Variants in CNTNAP3B observed in about 807,000 individuals in gnomAD.
CNTNAP3B encodes contactin-associated protein-like 3B.
Under a neutral mutation model 108.9 loss-of-function variants are expected in CNTNAP3B, and 25 were observed. The observed-to-expected ratio is 0.23, with a 90% CI of 0.17 to 0.32. The LOEUF (loss-of-function observed/expected upper bound fraction) is 0.32, where lower values mean the gene tolerates loss of function less well. CNTNAP3B is among the 10% of genes least tolerant of loss of function. CNTNAP3B has a pLI of 1.00. For missense variants in CNTNAP3B, 252 were observed against 1,210.4 expected (o/e 0.21, Z 11.75); for synonymous variants, 103 against 473.4 (o/e 0.22, Z 10.16).
At chr9:42,056,566 G>T (rs1316407208) in intron 3 of CNTNAP3B, among the ~76,000 whole-genome samples, 1 of 137,742 alleles carries the variant, frequency 7.3e-6, no homozygotes, top group Admixed American at 7.2e-5. Context: ...TAGCCAGGAT[G>T]GTCTTGATCT....
At chr9:42,075,839 A>ATTG (rs1252024171) in intron 3 of CNTNAP3B, among the ~76,000 whole-genome samples, 1 of 76,076 alleles carries the variant, frequency 1.3e-5, no homozygotes, top group Non-Finnish European at 2.6e-5. Flanking sequence ...ATAAATACTT[A>ATTG]TTATTATTAT....
At chr9:41,937,482 T>A (rs1237143264) in intron 14 of CNTNAP3B, among the ~76,000 whole-genome samples, 1 of 151,240 alleles carries the variant, frequency 6.6e-6, no homozygotes, top group African/African-American at 2.4e-5. Flanking sequence ...ATGACAATGC[T>A]TTTTAAGTTG....
chr9:41,964,983 G>C (rs1183773854), intron 10 of CNTNAP3B, among the ~76,000 whole-genome samples: 12 of 152,240 alleles, frequency 7.9e-5, no homozygotes, highest in African/African-American at 2.9e-4. Context: ...ACTATATTGT[G>C]GTCATTTTTA....
chr9:42,041,335 C>T (rs1261246477), intron 3 of CNTNAP3B, among the ~76,000 whole-genome samples: 4 of 149,732 alleles, frequency 2.7e-5, no homozygotes, highest in Non-Finnish European at 4.4e-5. Context: ...TGCAATCTAC[C>T]CATCTGACAA....
intron 3 of CNTNAP3B, among the ~76,000 whole-genome samples, chr9:42,036,447 TCTCA>T (rs1826633033): frequency 1.4e-5 from 2 of 138,968 alleles, no homozygotes; most frequent in Admixed American, 1.4e-4. Context: ...TGAATTTGGG[TCTCA>T]CTAATACTTT....
In CNTNAP3B at chr9:41,968,897, C is replaced by T. The variant is rs577592391; in HGVS notation, c.1649+1177G>A. ...CTGCAAGCTCCGCCTCCCGGGTTCA[C>T]GCCATTCTCCTGCCTCAGCCTGCCG... On this transcript the variant is annotated intron_variant, in intron 10 of 23. Transcript: ENST00000377561. 5.9e-5 allele frequency among the ~76,000 whole-genome samples: 9 copies of T among 152,068 alleles called. No individual in the cohort carries two copies. In the South Asian group the frequency reaches 6.2e-4, roughly 11 times the overall value.
intron 14 of CNTNAP3B, among the ~76,000 whole-genome samples, chr9:41,936,911 T>C (rs1295296911): frequency 6.6e-6 from 1 of 152,312 alleles, no homozygotes; most frequent in Non-Finnish European, 1.5e-5. Flanking sequence ...AAAGCTCCAG[T>C]AGATTCAAGT....
intron 2 of CNTNAP3B, among the ~76,000 whole-genome samples, chr9:42,093,986 C>A (rs572704931): frequency 1.6e-5 from 2 of 127,708 alleles, no homozygotes; most frequent in South Asian, 5.3e-4. Context: ...CTTTACTAAT[C>A]CCATTTTATA....
At chr9:42,127,813 C>G (rs201003854) in intron 1 of CNTNAP3B, among the ~76,000 whole-genome samples, 1 of 139,152 alleles carries the variant, frequency 7.2e-6, no homozygotes, top group African/African-American at 2.9e-5. Context: ...AACCCATGTG[C>G]GTGCCCTGTG....
chr9:41,961,470 A>C (rs1300520864), intron 11 of CNTNAP3B, among the ~76,000 whole-genome samples: 1 of 152,424 alleles, frequency 6.6e-6, no homozygotes, highest in East Asian at 1.9e-4. Flanking sequence ...TCTATAATTA[A>C]GGAAGAAACC....
Position 42,111,354 on chromosome 9 carries a change from G to C in CNTNAP3B, c.86-6615C>G, listed in dbSNP as rs1229882076. ...GATATAACCATAAACAACAGAAAAA[G>C]TCTCTGCTCCTGTGAAGCTTATCCT... On this transcript the variant is annotated intron_variant, in intron 1 of 23. Transcript: ENST00000377561. 1.4e-5 allele frequency among the ~76,000 whole-genome samples: 2 copies of C among 139,010 alleles called. 1 individual carries two copies. Among genetic ancestry groups the C allele is most frequent in the Non-Finnish European group, 3.1e-5 (2 of 64,886 alleles). 91.2% of individuals were successfully genotyped at this position (139,010 alleles called of 152,430 possible).
chr9:41,935,562 A>G (rs71217858), intron 14 of CNTNAP3B, among the ~76,000 whole-genome samples: 4,234 of 150,360 alleles, frequency 0.028, 3 homozygotes, highest in Non-Finnish European at 0.031. Flanking sequence ...ATTTTTATAA[A>G]CTGAAAAATC....
chr9:41,939,470 C>T (rs1824265065), intron 13 of CNTNAP3B, among the ~76,000 whole-genome samples: 1 of 151,160 alleles, frequency 6.6e-6, no homozygotes, highest in Admixed American at 6.6e-5. Flanking sequence ...ATTACCACCA[C>T]CACTATCTAT....
intron 13 of CNTNAP3B, among the ~76,000 whole-genome samples, chr9:41,944,519 C>T (rs1184354457): frequency 2.0e-5 from 3 of 152,280 alleles, no homozygotes; most frequent in East Asian, 1.9e-4. Flanking sequence ...AAGGCTACCA[C>T]TAAAACAATT....
chr9:41,939,610 T>C (rs1266029124), intron 13 of CNTNAP3B, among the ~76,000 whole-genome samples: 1 of 152,292 alleles, frequency 6.6e-6, no homozygotes, highest in Non-Finnish European at 1.5e-5. Flanking sequence ...GTAAAAGATA[T>C]TTTTAAAAAT....
chr9:41,997,241 A>C (rs1363275877), intron 6 of CNTNAP3B, among the ~76,000 whole-genome samples: 1 of 151,550 alleles, frequency 6.6e-6, no homozygotes, highest in Non-Finnish European at 1.5e-5. Context: ...TGCATAGTCA[A>C]ACAACAAGTG....
intron 1 of CNTNAP3B, among the ~76,000 whole-genome samples, chr9:42,127,148 CA>C (rs1828589269): frequency 7.2e-6 from 1 of 138,414 alleles, no homozygotes; most frequent in Non-Finnish European, 1.5e-5. Context: ...TAAGTTTCAT[CA>C]ACGAAAGAAG....
chr9:42,059,999 A>G (rs1324552452), intron 3 of CNTNAP3B, among the ~76,000 whole-genome samples: 2 of 151,166 alleles, frequency 1.3e-5, no homozygotes, highest in African/African-American at 2.5e-5. Context: ...GTTTTCTTCA[A>G]ATTTGGATTT....
chr9:42,122,006 T>C (rs1242496259), intron 1 of CNTNAP3B, among the ~76,000 whole-genome samples: 1 of 139,722 alleles, frequency 7.2e-6, no homozygotes, highest in East Asian at 2.2e-4. Context: ...TGGGGGAATA[T>C]GGATGGGCAC....
Sources: gnomAD v4.1 joint callset for allele counts (sites outside exome capture counted in the v4.1 genomes callset) on GRCh38, gnomAD v4.1.1 for gene constraint, MANE v1.5 for transcripts, NCBI Gene and HGNC (gene_info 2026-07-23, HGNC 2026-07-21) for gene names.